The following BMERB1 variants were observed in gnomAD, a reference collection of about 807,000 sequenced individuals.
BMERB1 encodes bMERB domain-containing protein 1.
BMERB1 carries 12 observed loss-of-function variants against 23.6 expected under a neutral mutation model. The observed-to-expected ratio is 0.51, with a 90% CI of 0.33 to 0.82. BMERB1 has a LOEUF of 0.82. BMERB1 is among the 40% of genes least tolerant of loss of function. BMERB1 has a pLI of 0.03. For missense variants in BMERB1, 247 were observed against 255.4 expected (o/e 0.97, Z 0.22); for synonymous variants, 122 against 96.6 (o/e 1.26, Z -1.54).
intron 2 of BMERB1, among the ~76,000 whole-genome samples, chr16:15,543,574 A>C (rs2052105946): frequency 6.6e-6 from 1 of 152,098 alleles, no homozygotes; most frequent in Admixed American, 6.6e-5. Flanking sequence ...TAATCCCAGC[A>C]CTTTGGGAGG....
chr16:15,440,738 G>A (rs1192598516), intron 1 of BMERB1, among the ~76,000 whole-genome samples: 1 of 152,190 alleles, frequency 6.6e-6, no homozygotes, highest in Non-Finnish European at 1.5e-5. Context: ...GTGCCAGGAA[G>A]TGTTCTAGGG....
At chr16:15,455,967 CT>C (rs2051084226) in intron 1 of BMERB1, among the ~76,000 whole-genome samples, 1 of 152,154 alleles carries the variant, frequency 6.6e-6, no homozygotes, top group Non-Finnish European at 1.5e-5. Context: ...GTTTTCCTTT[CT>C]TTTCAGGCAG....
At chr16:15,497,042 T>G (rs2051479966) in intron 1 of BMERB1, among the ~76,000 whole-genome samples, 1 of 152,120 alleles carries the variant, frequency 6.6e-6, no homozygotes, top group Non-Finnish European at 1.5e-5. Context: ...GCAAGGAAAC[T>G]CATTCTTCCT....
chr16:15,470,239 GA>G (rs1013234286), intron 1 of BMERB1, among the ~76,000 whole-genome samples: 10 of 152,142 alleles, frequency 6.6e-5, no homozygotes, highest in African/African-American at 2.4e-4. Flanking sequence ...ACAATTGTAT[GA>G]TTTTTTATTT....
Position 15,549,955 on chromosome 16 carries a change from C to G in BMERB1, c.231-18028C>G, listed in dbSNP as rs532581940. 4.0e-5 allele frequency among the ~76,000 whole-genome samples: 6 copies of G among 151,850 alleles called. No homozygotes were observed. The South Asian group carries it at 1.0e-3, about 26-fold the overall frequency. ...CCTGATATTTCCCATTTCAAAAGCA[C>G]GTTTTTTTTTTTGAGATGCAGTCTT... is the stretch of plus-strand genomic sequence containing the variant. On this transcript the variant is annotated intron_variant, in intron 2 of 5. Transcript: ENST00000300006.
intron 3 of BMERB1, among the ~76,000 whole-genome samples, chr16:15,575,553 G>A (rs2030836950): frequency 6.6e-6 from 1 of 152,148 alleles, no homozygotes. Context: ...CAGGTTCTTG[G>A]TGTTTTGAAC....
intron 2 of BMERB1, among the ~76,000 whole-genome samples, chr16:15,539,593 C>T (rs1011753192): frequency 1.3e-5 from 2 of 152,110 alleles, no homozygotes; most frequent in African/African-American, 4.8e-5. Context: ...CCTATAATCT[C>T]AGCACTTTGG....
At chr16:15,451,047 C>T (rs1396611166) in intron 1 of BMERB1, among the ~76,000 whole-genome samples, 1 of 151,996 alleles carries the variant, frequency 6.6e-6, no homozygotes, top group East Asian at 1.9e-4. Context: ...AAGCCTCATG[C>T]ATGAAACTTT....
chr16:15,485,871 C>T (rs751079007), intron 1 of BMERB1, among the ~76,000 whole-genome samples: 1 of 152,128 alleles, frequency 6.6e-6, no homozygotes, highest in Admixed American at 6.5e-5. Context: ...CTACTTAGTG[C>T]ACAGCAAAGG....
intron 1 of BMERB1, among the ~76,000 whole-genome samples, chr16:15,511,444 A>T (rs1299293173): frequency 6.6e-6 from 1 of 151,704 alleles, no homozygotes. Flanking sequence ...CCATTCACCC[A>T]CCTCCACTCT....
Position 15,509,679 on chromosome 16 carries a change from C to A in BMERB1, c.107-5626C>A, listed in dbSNP as rs527348112. Among the ~76,000 whole-genome samples, 6 of 152,286 alleles carry A rather than the reference C, an allele frequency of 3.9e-5. No individual in the cohort carries two copies. In the South Asian group the frequency reaches 1.0e-3, roughly 26 times the overall value. On this transcript the variant is annotated intron_variant, in intron 1 of 5. Transcript: ENST00000300006. ...CACCCCCTGGTGACTCCCGCTGGGA[C>A]CCCTGCTGCTTCCAGCCAAGGCTGT...
At chr16:15,565,152 A>G (rs2030529040) in intron 2 of BMERB1, among the ~76,000 whole-genome samples, 1 of 152,108 alleles carries the variant, frequency 6.6e-6, no homozygotes, top group African/African-American at 2.4e-5. Context: ...CACTGCTGAA[A>G]GGAGTCAGCA....
intron 1 of BMERB1, among the ~76,000 whole-genome samples, chr16:15,442,690 A>G (rs1183838431): frequency 6.6e-6 from 1 of 152,204 alleles, no homozygotes; most frequent in Non-Finnish European, 1.5e-5. Context: ...CAGCCCTATG[A>G]CATAAGGAGA....
intron 2 of BMERB1, among the ~76,000 whole-genome samples, chr16:15,561,374 T>C (rs1262315040): frequency 3.4e-5 from 5 of 148,984 alleles, no homozygotes; most frequent in African/African-American, 1.2e-4. Flanking sequence ...GTTCAAGCGA[T>C]TCTCCTGCTT....
intron 1 of BMERB1, among the ~76,000 whole-genome samples, chr16:15,513,437 AAAG>A (rs1411826932): frequency 6.6e-6 from 1 of 152,206 alleles, no homozygotes; most frequent in Non-Finnish European, 1.5e-5. Context: ...TGCTAGGTGA[AAAG>A]AACACATAAC....
At chr16:15,496,688 G>C (rs995078525) in intron 1 of BMERB1, among the ~76,000 whole-genome samples, 1 of 151,900 alleles carries the variant, frequency 6.6e-6, no homozygotes, top group Non-Finnish European at 1.5e-5. Context: ...ACAGGCGCCC[G>C]CCACCACGCC....
At chr16:15,445,943 G>A (rs2050985103) in intron 1 of BMERB1, among the ~76,000 whole-genome samples, 1 of 152,152 alleles carries the variant, frequency 6.6e-6, no homozygotes, top group Non-Finnish European at 1.5e-5. Flanking sequence ...GACACACTAT[G>A]TAAATGGATC....
chr16:15,520,477 CTTTTTTTT>C (rs147757819), intron 2 of BMERB1, among the ~76,000 whole-genome samples: 1 of 109,360 alleles, frequency 9.1e-6, no homozygotes, highest in South Asian at 3.0e-4. Context: ...CATAGATGTT[CTTTTTTTT>C]TTTTTTTTTT....
intron 2 of BMERB1, among the ~76,000 whole-genome samples, chr16:15,541,738 C>A (rs1206000962): frequency 2.7e-5 from 4 of 148,530 alleles, no homozygotes; most frequent in Non-Finnish European, 4.5e-5. Flanking sequence ...AGTAGCTGGG[C>A]CTACAGGCGC....
Sources: allele counts gnomAD v4.1 joint callset (sites outside exome capture counted in the v4.1 genomes callset), GRCh38; gene constraint gnomAD v4.1.1; transcripts MANE v1.5; gene names NCBI Gene and HGNC (gene_info 2026-07-23, HGNC 2026-07-21).